The following MBNL1 variants were observed in gnomAD, a reference collection of about 807,000 sequenced individuals.
The protein encoded by MBNL1 is muscleblind-like protein 1.
A neutral mutation model predicts 42.2 loss-of-function variants in MBNL1; 8 were observed. The observed-to-expected ratio is 0.19, with a 90% CI of 0.11 to 0.34. MBNL1 has a LOEUF of 0.34. Ranked by LOEUF, MBNL1 falls within the 10% of genes least tolerant of loss-of-function variation. The probability of loss-of-function intolerance (pLI) is 1.00; values close to 1 mark genes in which losing one functional copy is unlikely to be tolerated. For missense variants in MBNL1, 309 were observed against 495.3 expected, an observed-to-expected ratio of 0.62 and a Z score of 3.57; for synonymous variants, 169 against 173.9, an observed-to-expected ratio of 0.97 and a Z score of 0.22.
intron 2 of MBNL1, among the ~76,000 whole-genome samples, chr3:152,380,736 T>TA (rs1314317947): frequency 3.9e-5 from 6 of 151,952 alleles, no homozygotes; most frequent in Admixed American, 2.0e-4. Context: ...GTTTTTTTTT[T>TA]AAAAAAGGCA....
chr3:152,456,858 A>G (rs1734731961), intron 8 of MBNL1, among the ~76,000 whole-genome samples: 2 of 152,248 alleles, frequency 1.3e-5, no homozygotes, highest in Admixed American at 1.3e-4. Context: ...GAATCATTTA[A>G]TGAGCAGATT....
chr3:152,397,574 A>G (rs996811374), intron 2 of MBNL1, among the ~76,000 whole-genome samples: 1 of 152,204 alleles, frequency 6.6e-6, no homozygotes, highest in Admixed American at 6.5e-5. Flanking sequence ...TCCATGGTGT[A>G]TATGTGCCAC....
At chr3:152,462,268 A>G (rs1272964238) in intron 9 of MBNL1, 117 bp from the exon 10 acceptor site, 2 of 152,184 alleles carry the variant, frequency 1.3e-5, no homozygotes. Flanking sequence ...TTTTATATGA[A>G]GATATAATGT....
intron 1 of MBNL1, among the ~76,000 whole-genome samples, chr3:152,283,896 C>T (rs189877436): frequency 3.2e-3 from 487 of 152,300 alleles, no homozygotes; most frequent in African/African-American, 0.011. Flanking sequence ...CCTTCCATTT[C>T]TTATCCCTTT....
At chr3:152,332,739 T>TGTGCGC (rs1256022678) in intron 2 of MBNL1, among the ~76,000 whole-genome samples, 7,961 of 114,976 alleles carry the variant, frequency 0.069, 348 homozygotes, top group Admixed American at 0.087. Context: ...TGTGTGTGTG[T>TGTGCGC]GCGCGCGCGC....
intron 2 of MBNL1, among the ~76,000 whole-genome samples, chr3:152,254,974 T>C (rs1176682741): frequency 6.6e-6 from 1 of 152,154 alleles, no homozygotes; most frequent in African/African-American, 2.4e-5. Flanking sequence ...ATCTGCATCA[T>C]ATTTATATAT....
chr3:152,337,157 A>G (rs941322764), intron 2 of MBNL1, among the ~76,000 whole-genome samples: 2 of 152,202 alleles, frequency 1.3e-5, no homozygotes, highest in East Asian at 3.8e-4. Flanking sequence ...GCTGTTTAAT[A>G]TTTAATATTC....
At position 152,426,848 on chromosome 3, in the gene MBNL1, C is replaced by T. The variant is rs562153252; in HGVS notation, c.346-5869C>T. On this transcript the variant is annotated intron_variant, in intron 3 of 9. Coordinates refer to ENST00000324210, the MANE Select transcript of MBNL1 (RefSeq NM_021038.5). Reference sequence around the variant, plus strand: ...TTCAGTTTCTGGTTTTAGCTAATGTCTTGAGAGCTTCTTTGCTGCTTCTGT... The same window carrying T: ...TTCAGTTTCTGGTTTTAGCTAATGTTTTGAGAGCTTCTTTGCTGCTTCTGT... Among the ~76,000 whole-genome samples, 6 of 152,308 alleles carry T rather than the reference C, an allele frequency of 3.9e-5. No individual in the cohort carries two copies. The South Asian group carries it at 1.2e-3, about 32-fold the overall frequency.
At chr3:152,362,726 A>G (rs192507925) in intron 2 of MBNL1, among the ~76,000 whole-genome samples, 11 of 152,178 alleles carry the variant, frequency 7.2e-5, no homozygotes, top group African/African-American at 2.7e-4. Flanking sequence ...GTCCCATGGT[A>G]GGCAAAAGTG....
chr3:152,279,292 T>C (rs1283304617), intron 1 of MBNL1, among the ~76,000 whole-genome samples: 6 of 152,064 alleles, frequency 3.9e-5, no homozygotes, highest in Non-Finnish European at 8.8e-5. Context: ...AATTATCTTA[T>C]TTGCCTAAAT....
At chr3:152,263,632 G>A (rs913098488), upstream of MBNL1, 2 of 152,164 alleles carry the variant, frequency 1.3e-5, no homozygotes, top group African/African-American at 4.8e-5. Flanking sequence ...CAGCAGTGGT[G>A]GACTTCATGC....
intron 2 of MBNL1, among the ~76,000 whole-genome samples, chr3:152,360,764 GA>G (rs1342133372): frequency 6.6e-6 from 1 of 151,968 alleles, no homozygotes; most frequent in Non-Finnish European, 1.5e-5. Flanking sequence ...CATTCAAGTA[GA>G]TTTTCCAGTT....
chr3:152,326,263 T>C (rs1289245043), intron 2 of MBNL1, among the ~76,000 whole-genome samples: 1 of 152,214 alleles, frequency 6.6e-6, no homozygotes, highest in East Asian at 1.9e-4. Flanking sequence ...CCTTATTTTC[T>C]GTAAACTGAA....
At chr3:152,339,085 A>G (rs1477767502) in intron 2 of MBNL1, among the ~76,000 whole-genome samples, 1 of 152,180 alleles carries the variant, frequency 6.6e-6, no homozygotes, top group Non-Finnish European at 1.5e-5. Context: ...TTTAATGAAT[A>G]TATCTTCAAA....
chr3:152,381,901 C>A (rs535885673), intron 2 of MBNL1, among the ~76,000 whole-genome samples: 1 of 152,014 alleles, frequency 6.6e-6, no homozygotes, highest in Non-Finnish European at 1.5e-5. Context: ...CTTGATTAAC[C>A]TATACTTCAG....
chr3:152,381,411 A>T (rs981064996), intron 2 of MBNL1, among the ~76,000 whole-genome samples: 1 of 152,170 alleles, frequency 6.6e-6, no homozygotes, highest in South Asian at 2.1e-4. Flanking sequence ...AACGCTGTCC[A>T]TAAGTGCACA....
intron 1 of MBNL1, among the ~76,000 whole-genome samples, chr3:152,298,653 A>C (rs928720527): frequency 9.9e-5 from 15 of 152,206 alleles, no homozygotes; most frequent in South Asian, 6.2e-4. Flanking sequence ...TGCCTGTGAT[A>C]TATTGACAAA....
At chr3:152,294,278 CTTTTTTTTTTTTT>C (rs201018898) in intron 1 of MBNL1, among the ~76,000 whole-genome samples, 7 of 121,060 alleles carry the variant, frequency 5.8e-5, no homozygotes, top group Non-Finnish European at 7.1e-5. Context: ...AAGTTTGATT[CTTTTTTTTTTTTT>C]TTTTTTTTTT....
chr3:152,358,008 T>TGC (rs1553866150), intron 2 of MBNL1, among the ~76,000 whole-genome samples: 53 of 152,126 alleles, frequency 3.5e-4, no homozygotes, highest in Middle Eastern at 3.4e-3. Context: ...TGTGTGTGTG[T>TGC]GCGCACGCAC....
Sources: gnomAD v4.1 joint callset for allele counts (sites outside exome capture counted in the v4.1 genomes callset) on GRCh38, gnomAD v4.1.1 for gene constraint, MANE v1.5 for transcripts, NCBI Gene and HGNC (gene_info 2026-07-23, HGNC 2026-07-21) for gene names.